Variants in ADCY1 observed in about 807,000 individuals in gnomAD.
ADCY1 encodes adenylate cyclase type 1.
A neutral mutation model predicts 105.4 loss-of-function variants in ADCY1; 28 were observed. The ratio of observed to expected loss-of-function variants is 0.27; its 90% CI spans 0.20 to 0.36. The LOEUF (loss-of-function observed/expected upper bound fraction) is 0.36. ADCY1 is among the 10% of genes least tolerant of loss of function. The pLI, the probability that ADCY1 is intolerant of heterozygous loss-of-function variation, is 1.00. For missense variants in ADCY1, 977 were observed against 1,434.2 expected (o/e 0.68, Z 5.15); for synonymous variants, 655 against 623.8 (o/e 1.05, Z -0.75).
chr7:45,626,467 T>C (rs183655606), intron 4 of ADCY1, among the ~76,000 whole-genome samples: 31 of 152,256 alleles, frequency 2.0e-4, no homozygotes, highest in African/African-American at 7.2e-4. Flanking sequence ...ACGCTGTTTC[T>C]GGGTAGCAGG....
At chr7:45,671,656 G>T (rs1784370577) in intron 8 of ADCY1, among the ~76,000 whole-genome samples, 1 of 151,934 alleles carries the variant, frequency 6.6e-6, no homozygotes, top group South Asian at 2.1e-4. Flanking sequence ...TTTTATTTTG[G>T]CATTTCACTG....
chr7:45,580,211 C>G (rs1208064244), intron 1 of ADCY1, among the ~76,000 whole-genome samples: 1 of 152,194 alleles, frequency 6.6e-6, no homozygotes, highest in Non-Finnish European at 1.5e-5. Flanking sequence ...GTCCAGTGGG[C>G]CCAGGGGCTT....
chr7:45,646,254 C>G (rs1477775955), intron 4 of ADCY1, among the ~76,000 whole-genome samples: 3 of 152,098 alleles, frequency 2.0e-5, no homozygotes, highest in African/African-American at 7.2e-5. Flanking sequence ...CGGTCGCATC[C>G]CTGGTGAGTC....
chr7:45,710,432 C>T lies in ADCY1; in HGVS notation c.2933-96C>T. On this transcript the variant is annotated intron_variant, in intron 18 of 19. Coordinates refer to ENST00000297323, the MANE Select transcript of ADCY1 (RefSeq NM_021116.4). This position sits in a 1 kb window ranked among gnomAD's most constrained non-coding sequence, Gnocchi z 4.7. ...AAAGCCCTGAAAGGAGCAGCCTTTTCTCCACCAGGAGCAGCATCAGGTGCA... is the reference window on the plus strand; with the variant it reads ...AAAGCCCTGAAAGGAGCAGCCTTTTTTCCACCAGGAGCAGCATCAGGTGCA... 1 of 1,524,912 alleles carries T rather than the reference C, an allele frequency of 6.6e-7. No individual in the cohort carries two copies. Among genetic ancestry groups the T allele is most frequent in the Non-Finnish European group, 8.8e-7 (1 of 1,129,998 alleles). 94.5% of individuals were successfully genotyped at this position (1,524,912 alleles called of 1,614,324 possible).
intron 5 of ADCY1, among the ~76,000 whole-genome samples, chr7:45,649,197 A>G (rs1314214381): frequency 6.6e-6 from 1 of 152,202 alleles, no homozygotes; most frequent in African/African-American, 2.4e-5. Context: ...TCACTCAGCA[A>G]GGTAACTGGG....
Position 45,714,299 on chromosome 7 carries a change from C to G in ADCY1, c.*304C>G, listed in dbSNP as rs904928760. Reference sequence around the variant, plus strand: ...GGGAGCACTGTTTCTTTCCAGCAAGCCTGTTCAGGTTTGGCCAGGTCGGCA... The same window carrying G: ...GGGAGCACTGTTTCTTTCCAGCAAGGCTGTTCAGGTTTGGCCAGGTCGGCA... On this transcript the variant is annotated 3_prime_UTR_variant, in exon 20 of 20. Coordinates refer to ENST00000297323, the MANE Select transcript of ADCY1 (RefSeq NM_021116.4). The G allele has an allele frequency of 1.4e-5, 6 of 421,800 alleles. No homozygotes were observed. The South Asian group carries it at 2.1e-4, about 15-fold the overall frequency. 26.1% of individuals were successfully genotyped at this position (421,800 alleles called of 1,614,324 possible).
At chr7:45,585,794 A>G (rs538496038) in intron 1 of ADCY1, among the ~76,000 whole-genome samples, 2 of 152,144 alleles carry the variant, frequency 1.3e-5, no homozygotes, top group East Asian at 3.9e-4. Context: ...CAGTTTGTTC[A>G]AGGGTCAGAA....
chr7:45,583,963 T>TTTC (rs1398661010), intron 1 of ADCY1, among the ~76,000 whole-genome samples: 3 of 149,248 alleles, frequency 2.0e-5, no homozygotes, highest in Non-Finnish European at 4.5e-5. Flanking sequence ...TTTTTTTTTT[T>TTTC]TTCAGACAAA....
chr7:45,574,721 G>T lies in ADCY1; in HGVS notation c.178G>T (p.Ala60Ser). Residue 60 changes from alanine to serine, a missense_variant, in exon 1 of 20, where the codon GCC becomes TCC. By Grantham distance (99) the Ala-to-Ser change is moderately conservative. Coordinates refer to ENST00000297323, the MANE Select transcript of ADCY1 (RefSeq NM_021116.4). The surrounding 1 kb of genome is among the most constrained non-coding windows in gnomAD (Gnocchi z 7.0). ...RGYTLRLEQA[A>S]TLKALAVLSL... ...CTACACGCTGCGGCTGGAGCAGGCG[G>T]CCACGCTGAAGGCGCTGGCCGTTCT... 1 of 1,411,722 alleles carries T rather than the reference G, an allele frequency of 7.1e-7. No homozygotes were observed. The allele number at this position is 1,411,722 out of a possible 1,614,324, so 87.4% of individuals were successfully genotyped here.
intron 4 of ADCY1, among the ~76,000 whole-genome samples, chr7:45,638,829 G>T (rs192353089): frequency 6.1e-4 from 93 of 152,286 alleles, no homozygotes; most frequent in Non-Finnish European, 4.4e-5. Context: ...TTTATAGTGA[G>T]TCGTGGCTGC....
In ADCY1 at chr7:45,720,246, C is replaced by T. The variant is rs1227772970; in HGVS notation, c.*6251C>T. The T allele has an allele frequency of 1.3e-5, 2 of 152,278 alleles. No homozygotes were observed. The highest frequency in any genetic ancestry group is 4.8e-5 in the African/African-American group (2 of 41,432). 9.4% of individuals were successfully genotyped at this position (152,278 alleles called of 1,614,324 possible). A position where few individuals can be genotyped will look rare whatever the true frequency, so the allele number is the denominator to read the frequency against. On this transcript the variant is annotated 3_prime_UTR_variant, in exon 20 of 20. Coordinates refer to ENST00000297323, the MANE Select transcript of ADCY1 (RefSeq NM_021116.4). ...GGAAATCAGGCCGGGCGCAGTGGCT[C>T]ATGCCTGTAAGCCCAGCACTTTGGG...
intron 17 of ADCY1, among the ~76,000 whole-genome samples, chr7:45,705,732 A>C (rs1245567230): frequency 2.6e-5 from 4 of 152,252 alleles, no homozygotes; most frequent in African/African-American, 9.6e-5. Context: ...GAAAGAAAAC[A>C]GAAGGCATAC....
chr7:45,588,130 G>GGTTACAATTCAATACTGCTTTGT (rs1792785081), intron 1 of ADCY1, among the ~76,000 whole-genome samples: 1 of 151,792 alleles, frequency 6.6e-6, no homozygotes, highest in Non-Finnish European at 1.5e-5. Context: ...TTATACTTTG[G>GGTTACAATTCAATACTGCTTTGT]GTTACAATTC....
intron 4 of ADCY1, among the ~76,000 whole-genome samples, chr7:45,639,709 G>A (rs1584293848): frequency 6.6e-6 from 1 of 152,200 alleles, no homozygotes; most frequent in South Asian, 2.1e-4. Flanking sequence ...CTGTTTCCTG[G>A]CGCATGCCAG....
At chr7:45,691,932 C>T (rs1204599178) in intron 14 of ADCY1, among the ~76,000 whole-genome samples, 1 of 152,148 alleles carries the variant, frequency 6.6e-6, no homozygotes, top group Non-Finnish European at 1.5e-5. Context: ...GAGTTTATGT[C>T]ATATAAAGCC....
At chr7:45,603,054 CATATA>C (rs754773316) in intron 2 of ADCY1, among the ~76,000 whole-genome samples, 5 of 152,202 alleles carry the variant, frequency 3.3e-5, no homozygotes, top group African/African-American at 7.2e-5. Context: ...CAAATGGAAT[CATATA>C]ATAGGTGATC....
At chr7:45,679,205 C>T (rs777403798) in intron 10 of ADCY1, among the ~76,000 whole-genome samples, 3 of 152,204 alleles carry the variant, frequency 2.0e-5, no homozygotes, top group South Asian at 4.1e-4. Context: ...GAGGCCACCC[C>T]ACACCTGCGG....
At chr7:45,702,875 G>A (rs1247842059) in intron 14 of ADCY1, among the ~76,000 whole-genome samples, 1 of 152,212 alleles carries the variant, frequency 6.6e-6, no homozygotes, top group East Asian at 1.9e-4. Context: ...TCCCTGCAGG[G>A]TTCTACTTGC....
intron 5 of ADCY1, among the ~76,000 whole-genome samples, chr7:45,651,907 CATAAGGAAT>C (rs1794821645): frequency 6.6e-6 from 1 of 152,112 alleles, no homozygotes; most frequent in South Asian, 2.1e-4. Context: ...TCCTAAGGCA[CATAAGGAAT>C]GTGTATTAGT....
Sources: gnomAD v4.1 joint callset for allele counts (sites outside exome capture counted in the v4.1 genomes callset) on GRCh38, gnomAD v4.1.1 for gene constraint, Gnocchi (gnomAD v3.1) non-coding constraint, MANE v1.5 for transcripts, NCBI Gene and HGNC (gene_info 2026-07-23, HGNC 2026-07-21) for gene names.